Variants in RBMS3 observed in about 807,000 individuals in gnomAD.
The protein encoded by RBMS3 is RNA binding motif single stranded interacting protein 3, also known as RNA-binding motif, single-stranded-interacting protein 3.
In RBMS3, 27 loss-of-function variants were observed where a neutral mutation model predicts 66.8. The ratio of observed to expected loss-of-function variants is 0.40; its 90% CI spans 0.30 to 0.56. The LOEUF (loss-of-function observed/expected upper bound fraction) is 0.56. RBMS3 is among the 20% of genes least tolerant of loss of function. The pLI is 0.40. For missense variants in RBMS3, 513 were observed against 549.5 expected (o/e 0.93, Z 0.66); for synonymous variants, 188 against 183.0 (o/e 1.03, Z -0.22).
At chr3:29,665,528 C>T (rs1037532714) in intron 4 of RBMS3, among the ~76,000 whole-genome samples, 1 of 152,086 alleles carries the variant, frequency 6.6e-6, no homozygotes, top group Non-Finnish European at 1.5e-5. Context: ...GTTAATTTGT[C>T]AGGAATCGTG....
At chr3:29,578,679 A>AC (rs1255507448) in intron 3 of RBMS3, among the ~76,000 whole-genome samples, 1 of 152,122 alleles carries the variant, frequency 6.6e-6, no homozygotes, top group Non-Finnish European at 1.5e-5. Context: ...GCTAGTGTGC[A>AC]AAAGCACACA....
chr3:29,907,161 A>G lies in RBMS3; in HGVS notation c.939+7406A>G, dbSNP rs570082435. Among the ~76,000 whole-genome samples, 223 of 152,196 alleles carry G rather than the reference A, an allele frequency of 1.5e-3. 1 individual carries two copies. The highest frequency in any genetic ancestry group is 5.1e-3 in the African/African-American group (213 of 41,536). On this transcript the variant is annotated intron_variant, in intron 10 of 14. Transcript: ENST00000383767. ...TCCTGCCATGTATCCCACTCTTGCAAAATGTTTGGTTGATTCTTCATGATG... is the reference window on the plus strand; with the variant it reads ...TCCTGCCATGTATCCCACTCTTGCAGAATGTTTGGTTGATTCTTCATGATG...
intron 1 of RBMS3, among the ~76,000 whole-genome samples, chr3:29,394,172 C>G (rs573849518): frequency 2.6e-5 from 4 of 152,256 alleles, no homozygotes; most frequent in Admixed American, 6.5e-5. Flanking sequence ...TTAGAGACTG[C>G]CCCCTGGGAA....
chr3:29,319,021 G>T (rs2034856306), intron 1 of RBMS3, among the ~76,000 whole-genome samples: 1 of 151,904 alleles, frequency 6.6e-6, no homozygotes, highest in African/African-American at 2.4e-5. Context: ...AACAGGACCA[G>T]GTATTTAAGT....
At chr3:29,785,263 C>T (rs1208597022) in intron 6 of RBMS3, among the ~76,000 whole-genome samples, 1 of 151,958 alleles carries the variant, frequency 6.6e-6, no homozygotes, top group African/African-American at 2.4e-5. Flanking sequence ...TGCAAAAATC[C>T]TCAACAAAAT....
intron 4 of RBMS3, among the ~76,000 whole-genome samples, chr3:29,598,394 A>G (rs925258561): frequency 6.6e-5 from 10 of 152,104 alleles, no homozygotes; most frequent in Non-Finnish European, 1.5e-4. Flanking sequence ...CTACCCTTGA[A>G]AGACCAAGGT....
chr3:29,767,428 C>T (rs944325858), intron 6 of RBMS3: 2 of 150,674 alleles, frequency 1.3e-5, no homozygotes, highest in African/African-American at 4.9e-5. Context: ...CTTAATTGAA[C>T]TCTAAGAAGT....
chr3:29,672,925 T>G (rs929974527), intron 4 of RBMS3, among the ~76,000 whole-genome samples: 5 of 152,142 alleles, frequency 3.3e-5, no homozygotes. Context: ...CTGCACCAAG[T>G]GGACCTAATA....
chr3:30,001,043 AAAAG>A lies in RBMS3; in HGVS notation c.1308-2809_1308-2806del, dbSNP rs1388371718. Among the ~76,000 whole-genome samples, 7 of 152,112 alleles carry A rather than the reference AAAAG, an allele frequency of 4.6e-5. No homozygotes were observed. In the East Asian group the frequency reaches 5.8e-4, roughly 13 times the overall value. On this transcript the variant is annotated intron_variant, in intron 14 of 14. Transcript: ENST00000383767. ...TCCCAGAACTTAAAGTATAATAAAA[AAAAG>A]AAAAGAAAAATTAAATTATTAAAGA...
chr3:29,361,463 C>G (rs965202226), intron 1 of RBMS3, among the ~76,000 whole-genome samples: 1 of 152,202 alleles, frequency 6.6e-6, no homozygotes, highest in African/African-American at 2.4e-5. Context: ...CAACCTTTCT[C>G]TCTGTCTGCC....
rs567182892 is a variant in RBMS3, at chr3:29,420,874, G to T, written c.76-13869G>T. Among the ~76,000 whole-genome samples, 3 of 151,940 alleles carry T rather than the reference G, an allele frequency of 2.0e-5. No homozygotes were observed. In the East Asian group the frequency reaches 5.8e-4, roughly 29 times the overall value. Reference sequence around the variant, plus strand: ...AATCCCAGCACTTTGGGAGGCCGAGGCGGGTGGATCATGAGGTCAGGAGAT... The same window carrying T: ...AATCCCAGCACTTTGGGAGGCCGAGTCGGGTGGATCATGAGGTCAGGAGAT... On this transcript the variant is annotated intron_variant, in intron 1 of 14. Coordinates refer to ENST00000383767, the MANE Select transcript of RBMS3 (RefSeq NM_001003793.3).
intron 1 of RBMS3, among the ~76,000 whole-genome samples, chr3:29,291,430 G>T (rs976187048): frequency 6.6e-6 from 1 of 151,858 alleles, no homozygotes; most frequent in African/African-American, 2.4e-5. Context: ...AGACACATTG[G>T]ATTGACCTTT....
intron 6 of RBMS3, among the ~76,000 whole-genome samples, chr3:29,774,331 G>A (rs1316314027): frequency 2.0e-5 from 3 of 152,014 alleles, no homozygotes; most frequent in Admixed American, 2.0e-4. Context: ...GTGTGTAACA[G>A]CAGATAAAAC....
chr3:29,970,589 A>G (rs1212693725), intron 12 of RBMS3, among the ~76,000 whole-genome samples: 3 of 152,144 alleles, frequency 2.0e-5, no homozygotes, highest in Non-Finnish European at 4.4e-5. Flanking sequence ...TGAGAATGTA[A>G]CTGAGATATC....
At chr3:29,787,733 A>G (rs911028430) in intron 6 of RBMS3, among the ~76,000 whole-genome samples, 5 of 152,208 alleles carry the variant, frequency 3.3e-5, no homozygotes, top group African/African-American at 1.2e-4. Context: ...CACTGAGTAC[A>G]GCATATGCTG....
intron 6 of RBMS3, among the ~76,000 whole-genome samples, chr3:29,824,369 TC>T (rs1232828719): frequency 6.6e-6 from 1 of 152,152 alleles, no homozygotes; most frequent in Non-Finnish European, 1.5e-5. Context: ...ATCTTGGACT[TC>T]CTAGCCTCAA....
At chr3:29,831,853 G>GAAA (rs2058377111) in intron 6 of RBMS3, among the ~76,000 whole-genome samples, 1 of 144,792 alleles carries the variant, frequency 6.9e-6, no homozygotes, top group Non-Finnish European at 1.5e-5. Context: ...ATTTCTGAGG[G>GAAA]TAGACATTTA....
intron 3 of RBMS3, among the ~76,000 whole-genome samples, chr3:29,490,971 C>T (rs888951780): frequency 2.6e-5 from 4 of 152,200 alleles, no homozygotes; most frequent in East Asian, 1.9e-4. Context: ...GACTCATAAC[C>T]GGAGCGGTCA....
At chr3:29,792,008 G>A (rs1266606582) in intron 6 of RBMS3, among the ~76,000 whole-genome samples, 1 of 151,910 alleles carries the variant, frequency 6.6e-6, no homozygotes, top group Non-Finnish European at 1.5e-5. Context: ...TTATATTGTA[G>A]TTTATCACAT....
Sources: allele counts gnomAD v4.1 joint callset (sites outside exome capture counted in the v4.1 genomes callset), GRCh38; gene constraint gnomAD v4.1.1; transcripts MANE v1.5; gene names NCBI Gene and HGNC (gene_info 2026-07-23, HGNC 2026-07-21).